The following RHBDD1 variants were observed in gnomAD, a reference collection of about 807,000 sequenced individuals.
RHBDD1 encodes the protein rhomboid domain containing 1, also known as rhomboid-related protein 4.
RHBDD1 carries 38 observed loss-of-function variants against 36.3 expected under a neutral mutation model. That is an observed-to-expected ratio of 1.05 (90% CI 0.81 to 1.37). The LOEUF is 1.37. Among genes scored for constraint, RHBDD1 ranks in the 40% most tolerant of loss-of-function variants. RHBDD1 has a pLI of 0.00. For missense variants in RHBDD1, 393 were observed against 377.6 expected (o/e 1.04, Z -0.34); for synonymous variants, 151 against 136.5 (o/e 1.11, Z -0.74).
intron 5 of RHBDD1, among the ~76,000 whole-genome samples, chr2:226,897,301 GGTGT>G (rs1206046175): frequency 7.2e-5 from 9 of 124,990 alleles, no homozygotes; most frequent in South Asian, 2.7e-4. Flanking sequence ...AACAGTTTGA[GGTGT>G]GTGTGTCTGT....
chr2:226,831,989 A>T (rs1940755360), upstream of RHBDD1, among the ~76,000 whole-genome samples: 1 of 141,918 alleles, frequency 7.0e-6, no homozygotes, highest in Non-Finnish European at 1.6e-5. Context: ...CAAACTTTTG[A>T]TTTTCATTTT....
chr2:226,843,503 C>G (rs190970059), intron 3 of RHBDD1, among the ~76,000 whole-genome samples: 1 of 152,114 alleles, frequency 6.6e-6, no homozygotes, highest in African/African-American at 2.4e-5. Context: ...TTATCGAAGG[C>G]CTTTTCTGCA....
At chr2:226,969,377 G>A (rs1212592646) in intron 8 of RHBDD1, among the ~76,000 whole-genome samples, 1 of 144,792 alleles carries the variant, frequency 6.9e-6, no homozygotes, top group Non-Finnish European at 1.5e-5. Flanking sequence ...ATTTGCTCTG[G>A]GCTAAGACAG....
chr2:226,975,531 C>G (rs569258334), intron 8 of RHBDD1, among the ~76,000 whole-genome samples: 3 of 152,120 alleles, frequency 2.0e-5, no homozygotes, highest in Non-Finnish European at 4.4e-5. Context: ...CCAGGCCAGT[C>G]CTACTCAGAT....
intron 8 of RHBDD1, among the ~76,000 whole-genome samples, chr2:226,932,945 A>T (rs1313549630): frequency 6.6e-6 from 1 of 152,112 alleles, no homozygotes; most frequent in Non-Finnish European, 1.5e-5. Context: ...AAAGAGGTTT[A>T]ATTGACTCAC....
intron 8 of RHBDD1, among the ~76,000 whole-genome samples, chr2:226,939,177 G>A (rs191832677): frequency 6.6e-6 from 1 of 152,266 alleles, no homozygotes; most frequent in African/African-American, 2.4e-5. Context: ...ATATCATACT[G>A]AATGGGCAAA....
chr2:226,855,831 G>T (rs937316012), intron 3 of RHBDD1, among the ~76,000 whole-genome samples: 2 of 152,098 alleles, frequency 1.3e-5, no homozygotes, highest in East Asian at 3.9e-4. Flanking sequence ...AATATAATTT[G>T]ATTCCAGTTT....
upstream of RHBDD1, among the ~76,000 whole-genome samples, chr2:226,830,778 TC>T (rs1559171944): frequency 1.3e-5 from 2 of 152,088 alleles, no homozygotes; most frequent in South Asian, 2.1e-4. Context: ...GCTCAAGTGA[TC>T]CCCCCGCCTC....
chr2:226,891,235 C>T (rs771258554), intron 5 of RHBDD1, among the ~76,000 whole-genome samples: 1 of 152,114 alleles, frequency 6.6e-6, no homozygotes, highest in African/African-American at 2.4e-5. Context: ...AATGCCAGCT[C>T]CTGTGGTTGT....
chr2:226,882,983 C>T (rs971251773), intron 5 of RHBDD1, among the ~76,000 whole-genome samples: 1 of 152,270 alleles, frequency 6.6e-6, no homozygotes, highest in African/African-American at 2.4e-5. Context: ...CACAAAGGCC[C>T]CACCCTCCTA....
At chr2:226,835,292 A>C (rs1660268341), upstream of RHBDD1, among the ~76,000 whole-genome samples, 1 of 152,224 alleles carries the variant, frequency 6.6e-6, no homozygotes. Flanking sequence ...GCTAAACATA[A>C]AACTTGCTCC....
At chr2:226,890,109 A>G (rs944247570) in intron 5 of RHBDD1, among the ~76,000 whole-genome samples, 21 of 152,226 alleles carry the variant, frequency 1.4e-4, no homozygotes, top group African/African-American at 3.4e-4. Context: ...AGCACGTCCA[A>G]GTCTTCCAGA....
At chr2:226,973,444 C>G (rs1380912896) in intron 8 of RHBDD1, among the ~76,000 whole-genome samples, 1 of 152,226 alleles carries the variant, frequency 6.6e-6, no homozygotes, top group Non-Finnish European at 1.5e-5. Context: ...TTTTTCCACT[C>G]TGTTTCCTCA....
chr2:226,920,201 C>T (rs1177093325), intron 8 of RHBDD1, among the ~76,000 whole-genome samples: 1 of 151,872 alleles, frequency 6.6e-6, no homozygotes, highest in Non-Finnish European at 1.5e-5. Flanking sequence ...AGATTGTTTG[C>T]TGTTAGCATA....
At chr2:226,809,568 C>G in the RHBDD1 span, among the ~76,000 whole-genome samples, 2 of 151,058 alleles carry the variant, frequency 1.3e-5, no homozygotes, top group Non-Finnish European at 3.0e-5. Context: ...TTTAGTCTCA[C>G]TATGCAATTT....
intron 5 of RHBDD1, among the ~76,000 whole-genome samples, chr2:226,896,840 T>C (rs552741333): frequency 6.6e-4 from 101 of 152,226 alleles, no homozygotes; most frequent in African/African-American, 2.3e-3. Context: ...GTCCCCACTA[T>C]CACCCAGGCT....
At chr2:226,907,764 T>C (rs2163041) in intron 6 of RHBDD1, among the ~76,000 whole-genome samples, 66,196 of 152,068 alleles carry the variant, frequency 0.44, 14,585 homozygotes, top group South Asian at 0.5. Context: ...TGTGTTGCAT[T>C]TAAGCAGATC....
At chr2:226,974,277 G>A (rs950919359) in intron 8 of RHBDD1, among the ~76,000 whole-genome samples, 10 of 149,914 alleles carry the variant, frequency 6.7e-5, no homozygotes, top group African/African-American at 7.4e-5. Context: ...TCGCTCTGTC[G>A]CCCAGGCTGG....
At chr2:226,949,456 A>C (rs1210093178) in intron 8 of RHBDD1, among the ~76,000 whole-genome samples, 1 of 152,126 alleles carries the variant, frequency 6.6e-6, no homozygotes, top group African/African-American at 2.4e-5. Context: ...GGATGTGGAC[A>C]TTGCTGGGAG....
Sources: gnomAD v4.1 joint callset for allele counts (sites outside exome capture counted in the v4.1 genomes callset) on GRCh38, gnomAD v4.1.1 for gene constraint, MANE v1.5 for transcripts, NCBI Gene and HGNC (gene_info 2026-07-23, HGNC 2026-07-21) for gene names.